The following UBXN7 variants were observed in gnomAD, a reference collection of about 807,000 sequenced individuals.
UBXN7 encodes the protein UBX domain protein 7, also known as UBX domain-containing protein 7.
UBXN7 carries 9 observed loss-of-function variants against 58.0 expected under a neutral mutation model. The observed-to-expected ratio is 0.16, with a 90% CI of 0.09 to 0.27. The LOEUF is 0.27. UBXN7 is among the 10% of genes least tolerant of loss of function. The pLI is 1.00. For missense variants in UBXN7, 328 were observed against 599.6 expected (o/e 0.55, Z 4.73); for synonymous variants, 208 against 205.0 (o/e 1.01, Z -0.12).
intron 3 of UBXN7, among the ~76,000 whole-genome samples, chr3:196,402,274 G>C (rs1577464687): frequency 6.6e-6 from 1 of 152,126 alleles, no homozygotes; most frequent in African/African-American, 2.4e-5. Flanking sequence ...GCCCACCTCA[G>C]CCTCCCAAAG....
At chr3:196,431,812 G>A in intron 1 of UBXN7, 1 of 413,946 alleles carries the variant, frequency 2.4e-6, no homozygotes, top group Non-Finnish European at 4.9e-6. Context: ...GGGAGGGCCC[G>A]AACCCGCCAG....
At chr3:196,415,288 G>A (rs1577474228) in intron 1 of UBXN7, among the ~76,000 whole-genome samples, 1 of 150,760 alleles carries the variant, frequency 6.6e-6, no homozygotes, top group East Asian at 2.0e-4. Context: ...CGAGGAGCTG[G>A]GACAATAGGC....
chr3:196,418,151 C>T (rs1444930641), intron 1 of UBXN7, among the ~76,000 whole-genome samples: 5 of 151,774 alleles, frequency 3.3e-5, no homozygotes, highest in African/African-American at 1.2e-4. Context: ...GTGGGAGAAT[C>T]GCTGGAACCC....
intron 5 of UBXN7, among the ~76,000 whole-genome samples, chr3:196,383,341 T>C (rs1383062970): frequency 6.6e-6 from 1 of 151,998 alleles, no homozygotes; most frequent in Non-Finnish European, 1.5e-5. Context: ...TCCCACACAA[T>C]AATAATGGGA....
chr3:196,397,128 G>A (rs1729799968), intron 3 of UBXN7, among the ~76,000 whole-genome samples: 1 of 152,132 alleles, frequency 6.6e-6, no homozygotes, highest in South Asian at 2.1e-4. Context: ...TTTTCAATGT[G>A]GTCTCCTGGC....
intron 1 of UBXN7, among the ~76,000 whole-genome samples, chr3:196,411,253 A>C (rs1290726430): frequency 6.6e-6 from 1 of 152,202 alleles, no homozygotes; most frequent in South Asian, 2.1e-4. Flanking sequence ...CTTTGCTTGC[A>C]TGTGATCAAT....
chr3:196,391,286 A>C (rs1489191376), intron 5 of UBXN7, among the ~76,000 whole-genome samples: 1 of 152,216 alleles, frequency 6.6e-6, no homozygotes, highest in Non-Finnish European at 1.5e-5. Flanking sequence ...GGATTTCATC[A>C]ATCTCATATA....
At chr3:196,398,693 G>A (rs1463069493) in intron 3 of UBXN7, among the ~76,000 whole-genome samples, 2 of 152,150 alleles carry the variant, frequency 1.3e-5, no homozygotes, top group Non-Finnish European at 2.9e-5. Flanking sequence ...AAGTGCAGTG[G>A]TGCAATCATG....
intron 2 of UBXN7, among the ~76,000 whole-genome samples, chr3:196,405,481 A>C (rs926497084): frequency 6.6e-6 from 1 of 151,710 alleles, no homozygotes; most frequent in East Asian, 1.9e-4. Flanking sequence ...AAAAAAAAAA[A>C]AGAAAAGAAA....
chr3:196,368,842 A>T (rs1044995874), intron 7 of UBXN7, among the ~76,000 whole-genome samples: 3 of 152,104 alleles, frequency 2.0e-5, no homozygotes, highest in African/African-American at 7.2e-5. Flanking sequence ...TGTTTTTTTG[A>T]GATGGAGTCT....
In UBXN7 at chr3:196,354,535, C is replaced by G. The variant is rs961281394; in HGVS notation, c.*2150G>C. ...CATCAGAGCACAAAGCTGAGCAAAC[C>G]TCTCTTCTTACCCTGTGCCCTCCCT... On this transcript the variant is annotated 3_prime_UTR_variant, in exon 11 of 11. Transcript: ENST00000296328. 2.0e-5 allele frequency: 3 copies of G among 152,232 alleles called. No homozygotes were observed. The highest frequency in any genetic ancestry group is 7.2e-5 in the African/African-American group (3 of 41,448). The allele number at this position is 152,232 out of a possible 1,614,324, so 9.4% of individuals were successfully genotyped here.
intron 8 of UBXN7, 46 bp downstream of exon 8, chr3:196,367,982 A>G: frequency 6.3e-7 from 1 of 1,598,078 alleles, no homozygotes; most frequent in Non-Finnish European, 8.5e-7. Context: ...GATGCTTATG[A>G]CCAATTACAT....
At chr3:196,369,901 G>A (rs1187621751) in intron 6 of UBXN7, among the ~76,000 whole-genome samples, 1 of 152,106 alleles carries the variant, frequency 6.6e-6, no homozygotes, top group Non-Finnish European at 1.5e-5. Context: ...AGGAGGCCGA[G>A]GCGAGTGGAT....
At chr3:196,417,034 A>G (rs1730507345) in intron 1 of UBXN7, among the ~76,000 whole-genome samples, 1 of 152,104 alleles carries the variant, frequency 6.6e-6, no homozygotes, top group Non-Finnish European at 1.5e-5. Flanking sequence ...AAATGTACAC[A>G]CAGGCGCGGC....
chr3:196,362,178 G>C, intron 9 of UBXN7, 116 bp downstream of exon 9: 17 of 1,358,704 alleles, frequency 1.3e-5, no homozygotes, highest in Non-Finnish European at 1.7e-5. Context: ...ATTTTTAGTA[G>C]AGACAGGGTT....
chr3:196,411,464 G>A (rs183572798), intron 1 of UBXN7, among the ~76,000 whole-genome samples: 5 of 152,270 alleles, frequency 3.3e-5, no homozygotes, highest in Non-Finnish European at 7.4e-5. Context: ...TGGATACGCT[G>A]GATTCATGGA....
chr3:196,392,763 A>C (rs981006734), intron 4 of UBXN7, among the ~76,000 whole-genome samples: 1 of 152,184 alleles, frequency 6.6e-6, no homozygotes, highest in Non-Finnish European at 1.5e-5. Context: ...AGATCATGCC[A>C]CTGCACTCCA....
At chr3:196,391,997 A>AAAAAAAC (rs1560231323) in intron 4 of UBXN7, 72 bp from the exon 5 acceptor site, 8 of 580,776 alleles carry the variant, frequency 1.4e-5, no homozygotes, top group African/African-American at 2.0e-5. Context: ...AAAAAAAAAA[A>AAAAAAAC]CACAAACTTC....
rs1336374148 is a variant in UBXN7, at chr3:196,354,164, T to G, written c.*2521A>C. 2 of 152,078 alleles carry G rather than the reference T, an allele frequency of 1.3e-5. No individual in the cohort carries two copies. Among genetic ancestry groups the G allele is most frequent in the Non-Finnish European group, 2.9e-5 (2 of 68,012 alleles). 9.4% of individuals were successfully genotyped at this position (152,078 alleles called of 1,614,324 possible). On this transcript the variant is annotated 3_prime_UTR_variant, in exon 11 of 11. Coordinates refer to ENST00000296328, the MANE Select transcript of UBXN7 (RefSeq NM_015562.2). ...ACTCCTGCCTCAAAATAAAATAAAA[T>G]AAAACCCACCACATCTTGTATTGTA...
Sources: gnomAD v4.1 joint callset for allele counts (sites outside exome capture counted in the v4.1 genomes callset) on GRCh38, gnomAD v4.1.1 for gene constraint, MANE v1.5 for transcripts, NCBI Gene and HGNC (gene_info 2026-07-23, HGNC 2026-07-21) for gene names.